UBE2F: variants seen among roughly 807,000 people sequenced by gnomAD.
The protein encoded by UBE2F is NEDD8-conjugating enzyme UBE2F.
Under a neutral mutation model 29.6 loss-of-function variants are expected in UBE2F, and 5 were observed. That is an observed-to-expected ratio of 0.17 (90% CI 0.09 to 0.36). UBE2F has a LOEUF of 0.36. Among genes scored for constraint, UBE2F ranks in the 10% least tolerant of loss-of-function variants. The pLI, the probability that UBE2F is intolerant of heterozygous loss-of-function variation, is 1.00. For missense variants in UBE2F, 141 were observed against 228.5 expected, an observed-to-expected ratio of 0.62 and a Z score of 2.47; for synonymous variants, 66 against 81.8, an observed-to-expected ratio of 0.81 and a Z score of 1.04.
intron 6 of UBE2F, chr2:238,029,128 G>A (rs1185797764): frequency 6.6e-6 from 1 of 152,106 alleles, no homozygotes; most frequent in Non-Finnish European, 1.5e-5. Flanking sequence ...TAATGACCAG[G>A]ACTCTCAGGT....
chr2:238,028,494 C>T (rs1439893768), intron 6 of UBE2F, among the ~76,000 whole-genome samples: 1 of 152,186 alleles, frequency 6.6e-6, no homozygotes, highest in Non-Finnish European at 1.5e-5. Context: ...AAAATATAGC[C>T]ACTAGGATTT....
chr2:238,025,904 T>C (rs1418506512), intron 6 of UBE2F, among the ~76,000 whole-genome samples: 1 of 152,224 alleles, frequency 6.6e-6, no homozygotes, highest in African/African-American at 2.4e-5. Context: ...AGGCAGCCTC[T>C]CGGAGCTTCA....
chr2:237,982,870 C>T lies in UBE2F; in HGVS notation c.119-5093C>T, dbSNP rs200917664. The stretch of plus-strand genomic sequence containing the variant: ...TTCTCCATCCTCTGCCTTTCCCATA[C>T]ATTGCTCTAAGGAAGGGCAAAATCT... On this transcript the variant is annotated intron_variant, in intron 2 of 9. Transcript: ENST00000272930. The surrounding 1 kb of genome is among the most constrained non-coding windows in gnomAD (Gnocchi z 4.1). Among the ~76,000 whole-genome samples the T allele has an allele frequency of 1.3e-5, 2 of 152,274 alleles. No homozygotes were observed. Among genetic ancestry groups the T allele is most frequent in the African/African-American group, 4.8e-5 (2 of 41,524 alleles).
intron 4 of UBE2F, among the ~76,000 whole-genome samples, chr2:238,012,044 A>ATT (rs34003831): frequency 0.079 from 10,396 of 131,416 alleles, 517 homozygotes; most frequent in African/African-American, 0.13. Flanking sequence ...ACACCTGGCA[A>ATT]TTTTTTTTTT....
chr2:238,012,961 T>C (rs932095525), intron 4 of UBE2F, among the ~76,000 whole-genome samples: 1 of 152,230 alleles, frequency 6.6e-6, no homozygotes, highest in African/African-American at 2.4e-5. Flanking sequence ...CTATTTATAA[T>C]ACCATGCTTT....
At chr2:238,012,543 A>G (rs1212618943) in intron 4 of UBE2F, among the ~76,000 whole-genome samples, 2 of 152,174 alleles carry the variant, frequency 1.3e-5, no homozygotes, top group East Asian at 1.9e-4. Context: ...ATCTTATTAC[A>G]TTCTTCCTAT....
intron 4 of UBE2F, among the ~76,000 whole-genome samples, chr2:238,002,497 A>T (rs761235456): frequency 6.6e-6 from 1 of 152,042 alleles, no homozygotes; most frequent in Admixed American, 6.6e-5. Flanking sequence ...TCGGCCTCCC[A>T]AAGTGCTGGG....
chr2:238,035,952 A>T lies in UBE2F; in HGVS notation c.507+12A>T. The stretch of plus-strand genomic sequence containing the variant: ...ATTTGCGGGACAAGGTGAGCCAGTA[A>T]CAGGCTTATTCTAGGTTGATGTACT... On this transcript the variant is annotated intron_variant, in intron 9 of 9. Coordinates refer to ENST00000272930, the MANE Select transcript of UBE2F (RefSeq NM_080678.3). 1 of 1,611,900 alleles carries T rather than the reference A, an allele frequency of 6.2e-7. No homozygotes were observed.
intron 5 of UBE2F, among the ~76,000 whole-genome samples, chr2:238,019,654 C>CTTTTTTT (rs375103007): frequency 0.021 from 1,643 of 77,918 alleles, 243 homozygotes; most frequent in African/African-American, 0.06. Flanking sequence ...TGTGCTCAGC[C>CTTTTTTT]TTTTTTTTTT....
At chr2:237,978,938 C>A (rs528429403) in intron 2 of UBE2F, among the ~76,000 whole-genome samples, 9 of 152,316 alleles carry the variant, frequency 5.9e-5, no homozygotes, top group African/African-American at 2.2e-4. Context: ...TCTTACCTGT[C>A]TGAAGTTTGG....
chr2:237,979,267 G>A (rs1014382465), intron 2 of UBE2F, among the ~76,000 whole-genome samples: 2 of 152,212 alleles, frequency 1.3e-5, no homozygotes, highest in African/African-American at 4.8e-5. Context: ...CTGGGGCAGT[G>A]GGAGGGTCTG....
intron 2 of UBE2F, among the ~76,000 whole-genome samples, chr2:237,983,597 TTG>T (rs960641002): frequency 3.0e-4 from 46 of 152,142 alleles, no homozygotes; most frequent in African/African-American, 1.1e-3. Context: ...GTGGTCAGCT[TTG>T]TGAGCATTCT....
intron 6 of UBE2F, among the ~76,000 whole-genome samples, chr2:238,029,820 T>C (rs550362087): frequency 6.6e-6 from 1 of 152,350 alleles, no homozygotes; most frequent in Non-Finnish European, 1.5e-5. Context: ...CGGGTGGTTA[T>C]AGGCATTAAG....
At chr2:237,995,096 A>G (rs965752190) in intron 4 of UBE2F, among the ~76,000 whole-genome samples, 1 of 152,192 alleles carries the variant, frequency 6.6e-6, no homozygotes, top group Admixed American at 6.5e-5. Flanking sequence ...CTCTGAAGTC[A>G]TAAGTGGGTT....
intron 4 of UBE2F, among the ~76,000 whole-genome samples, chr2:237,998,418 T>C (rs1034347433): frequency 6.6e-6 from 1 of 152,204 alleles, no homozygotes. Flanking sequence ...ATATATGTAC[T>C]CTTTGTCTCT....
chr2:237,991,069 G>T (rs1426199150), intron 3 of UBE2F, among the ~76,000 whole-genome samples: 1 of 152,124 alleles, frequency 6.6e-6, no homozygotes, highest in African/African-American at 2.4e-5. Context: ...TTCAAATCAG[G>T]ATTGTAACTG....
intron 1 of UBE2F, 69 bp from the exon 2 acceptor site, chr2:237,973,023 A>G (rs2063207291): frequency 6.7e-7 from 1 of 1,497,174 alleles, no homozygotes; most frequent in Non-Finnish European, 8.9e-7. Flanking sequence ...GCACTTATAC[A>G]TTTTTCTCAG....
intron 2 of UBE2F, among the ~76,000 whole-genome samples, chr2:237,979,201 A>C (rs1005978393): frequency 6.6e-6 from 1 of 152,164 alleles, no homozygotes; most frequent in African/African-American, 2.4e-5. Context: ...CCTTGTCCCA[A>C]TCAGCCCCTG....
In UBE2F at chr2:238,040,800, C is replaced by A. The variant is rs2064822224; in HGVS notation, c.508-488C>A. ...TCTTCTGGGCAGGGTGGTCATCCTG[C>A]CCAGAAGAGATGGGGGCCTGTACAT... On this transcript the variant is annotated intron_variant, in intron 9 of 9. Coordinates refer to ENST00000272930, the MANE Select transcript of UBE2F (RefSeq NM_080678.3). This position sits in a 1 kb window ranked among gnomAD's most constrained non-coding sequence, Gnocchi z 4.4. 6.6e-6 allele frequency among the ~76,000 whole-genome samples: 1 copy of A among 152,022 alleles called. No individual in the cohort carries two copies. Among genetic ancestry groups the A allele is most frequent in the African/African-American group, 2.4e-5 (1 of 41,390 alleles).
Sources: gnomAD v4.1 joint callset for allele counts (sites outside exome capture counted in the v4.1 genomes callset) on GRCh38, gnomAD v4.1.1 for gene constraint, Gnocchi (gnomAD v3.1) non-coding constraint, MANE v1.5 for transcripts, NCBI Gene and HGNC (gene_info 2026-07-23, HGNC 2026-07-21) for gene names.